Variants in ANXA9 observed in about 807,000 individuals in gnomAD.
The protein encoded by ANXA9 is annexin A9.
ANXA9 carries 47 observed loss-of-function variants against 51.8 expected under a neutral mutation model. The ratio of observed to expected loss-of-function variants is 0.91; its 90% CI spans 0.72 to 1.16. The LOEUF (loss-of-function observed/expected upper bound fraction) is 1.16. ANXA9 is among the 50% of genes most tolerant of loss of function. The pLI, the probability that ANXA9 is intolerant of heterozygous loss-of-function variation, is 0.00. For synonymous variants in ANXA9, 154 were observed against 168.7 expected (o/e 0.91, Z 0.68); for missense variants, 361 against 424.7 (o/e 0.85, Z 1.32).
upstream of ANXA9, among the ~76,000 whole-genome samples, chr1:150,979,912 T>G (rs587752940): frequency 6.5e-4 from 99 of 152,302 alleles, no homozygotes; most frequent in Non-Finnish European, 1.3e-3. Flanking sequence ...ATAAACACTA[T>G]TACTTGTCTG....
upstream of ANXA9, among the ~76,000 whole-genome samples, chr1:150,978,930 C>G (rs1671374838): frequency 1.3e-5 from 2 of 151,980 alleles, no homozygotes; most frequent in Admixed American, 1.3e-4. Flanking sequence ...CGCCATTGCA[C>G]TCTAACCTGG....
Position 150,995,448 on chromosome 1 carries a change from T to A in ANXA9, c.*126T>A. On this transcript the variant is annotated 3_prime_UTR_variant, in exon 14 of 14. Transcript: ENST00000368947. ...ACTGAGCACCACATTCTCTAGCTTC[T>A]TGTTGAGGCTGGAACTGTTTCTTTA... 1.2e-6 allele frequency: 1 copy of A among 813,184 alleles called. No individual in the cohort carries two copies. The highest frequency in any genetic ancestry group is 1.9e-5 in the South Asian group (1 of 52,166). The allele number at this position is 813,184 out of a possible 1,614,324, so 50.4% of individuals were successfully genotyped here. A position where few individuals can be genotyped will look rare whatever the true frequency, so the allele number is the denominator to read the frequency against.
At chr1:150,993,334 G>A (rs754094218) in intron 12 of ANXA9, among the ~76,000 whole-genome samples, 26 of 150,502 alleles carry the variant, frequency 1.7e-4, no homozygotes, top group Admixed American at 6.0e-4. Flanking sequence ...TTTTTGAGAC[G>A]GAGTCTTGCT....
In ANXA9 at chr1:150,983,439, G is replaced by A; in HGVS notation, c.172+5G>A. ...TGAGGGCCATTACTGGCCAAGGTGA[G>A]CCCCTTTCCCCCGGCACTTGAGACT... On this transcript the variant is annotated splice_donor_5th_base_variant and intron_variant, in intron 4 of 13. Transcript: ENST00000368947. 2 of 1,605,358 alleles carry A rather than the reference G, an allele frequency of 1.2e-6. No individual in the cohort carries two copies. Among genetic ancestry groups the A allele is most frequent in the South Asian group, 1.1e-5 (1 of 89,474 alleles).
chr1:150,988,349 G>A lies in ANXA9; in HGVS notation c.852+8G>A. 1 of 1,613,796 alleles carries A rather than the reference G, an allele frequency of 6.2e-7. No homozygotes were observed. Among genetic ancestry groups the A allele is most frequent in the Non-Finnish European group, 8.5e-7 (1 of 1,179,940 alleles). On this transcript the variant is annotated splice_region_variant and intron_variant, in intron 12 of 13. Transcript: ENST00000368947. ...CTTCATCAAGCCCTCCAGGTGAGAG[G>A]GGCACTCCTTTCCCTCCCCAGAACA...
chr1:150,986,679 G>A lies in ANXA9; in HGVS notation c.612+18G>A. 1 of 1,579,598 alleles carries A rather than the reference G, an allele frequency of 6.3e-7. No homozygotes were observed. Among genetic ancestry groups the A allele is most frequent in the Non-Finnish European group, 8.6e-7 (1 of 1,168,800 alleles). On this transcript the variant is annotated intron_variant, in intron 9 of 13. Transcript: ENST00000368947. ...ATGTCCAGGTGAGCAGGGGGTTTAG[G>A]AGTGTGCACAGCCGCCATGCACATA...
intron 12 of ANXA9, among the ~76,000 whole-genome samples, chr1:150,988,821 G>C (rs1305378447): frequency 1.3e-5 from 2 of 152,048 alleles, no homozygotes; most frequent in Admixed American, 6.6e-5. Context: ...TACCTTGCTT[G>C]AGGTCACGTA....
At position 150,983,110 on chromosome 1, in the gene ANXA9, CTG is replaced by C. The variant is rs1394963874; in HGVS notation, c.8_9del (p.Val3AspfsTer115). 2 of 1,613,882 alleles carry C rather than the reference CTG, an allele frequency of 1.2e-6. No individual in the cohort carries two copies. Among genetic ancestry groups the C allele is most frequent in the Non-Finnish European group, 1.7e-6 (2 of 1,179,938 alleles). On this transcript the variant is annotated frameshift_variant, in exon 3 of 14. Coordinates refer to ENST00000368947, the MANE Select transcript of ANXA9 (RefSeq NM_003568.3). LOFTEE classifies it high-confidence loss of function. The stretch of plus-strand genomic sequence containing the variant: ...CCCAGGGCAACCAGTAGCACCATGT[CTG>C]TGACTGGCGGGAAGATGGCACCGTC...
rs990868424 is a variant in ANXA9, at chr1:150,995,338, C to G, written c.*16C>G. The G allele has an allele frequency of 1.9e-6, 3 of 1,588,504 alleles. No homozygotes were observed. In the African/African-American group the frequency reaches 4.1e-5, roughly 22 times the overall value. ...AGACATGTGAGACTTCCCTGCCCCA[C>G]CCCACATGACATCCGAGGATCTGAG... On this transcript the variant is annotated 3_prime_UTR_variant, in exon 14 of 14. Transcript: ENST00000368947.
Position 150,995,610 on chromosome 1 carries a change from C to G in ANXA9, c.*288C>G. 9.5e-6 allele frequency: 3 copies of G among 316,436 alleles called. No homozygotes were observed. The South Asian group carries it at 3.0e-4, about 31-fold the overall frequency. The allele number at this position is 316,436 out of a possible 1,614,324, so 19.6% of individuals were successfully genotyped here. On this transcript the variant is annotated 3_prime_UTR_variant, in exon 14 of 14. Coordinates refer to ENST00000368947, the MANE Select transcript of ANXA9 (RefSeq NM_003568.3). ...CCTGTACCCTGGCCAGAACATCTCA[C>G]TGATACTCGAATTCTTTTGGCAAAC...
chr1:150,984,633 A>G lies in ANXA9; in HGVS notation c.429A>G (p.Arg143=). The G allele has an allele frequency of 1.2e-6, 2 of 1,614,090 alleles. No individual in the cohort carries two copies. Among genetic ancestry groups the G allele is most frequent in the Non-Finnish European group, 1.7e-6 (2 of 1,180,012 alleles). Residue 143 remains arginine (R), a synonymous_variant, in exon 7 of 14, where the codon CGA becomes CGG. Transcript: ENST00000368947. The stretch of plus-strand genomic sequence containing the variant: ...TGGCCATTGAAATTCTTGCCACTCG[A>G]ACCCCACCCCAGCTGCAGGAGTGCC... ...VDVAIEILAT[R]TPPQLQECLA... is the part of the protein sequence containing the mutation.
At chr1:150,986,683 G>GTGCACAGCCGCCA in intron 9 of ANXA9, 22 bp downstream of exon 9, 1 of 1,567,500 alleles carries the variant, frequency 6.4e-7, no homozygotes, top group Non-Finnish European at 8.6e-7. Context: ...GTTTAGGAGT[G>GTGCACAGCCGCCA]TGCACAGCCG....
intron 12 of ANXA9, among the ~76,000 whole-genome samples, chr1:150,992,698 C>T (rs1671735324): frequency 6.6e-6 from 1 of 152,106 alleles, no homozygotes; most frequent in Non-Finnish European, 1.5e-5. Context: ...GTCCCAGCTG[C>T]TTGGGAGGCT....
intron 7 of ANXA9, among the ~76,000 whole-genome samples, chr1:150,985,657 T>C (rs11204752): frequency 0.58 from 88,553 of 151,982 alleles, 26,294 homozygotes; most frequent in African/African-American, 0.68. Context: ...CCTTGACCCT[T>C]CTGGGCTCAA....
At chr1:150,990,167 C>A (rs908967983) in intron 12 of ANXA9, among the ~76,000 whole-genome samples, 1 of 151,570 alleles carries the variant, frequency 6.6e-6, no homozygotes, top group Non-Finnish European at 1.5e-5. Flanking sequence ...GAAAATTTGC[C>A]AGGCATGGTG....
chr1:150,988,421 C>A (rs1671620338), intron 12 of ANXA9, 80 bp downstream of exon 12: 1 of 1,523,798 alleles, frequency 6.6e-7, no homozygotes, highest in African/African-American at 1.4e-5. Flanking sequence ...CTTATGTAAC[C>A]ATCCTATATA....
chr1:150,986,711 C>T (rs1307427557), intron 9 of ANXA9, 50 bp downstream of exon 9: 2 of 1,513,050 alleles, frequency 1.3e-6, no homozygotes, highest in East Asian at 2.3e-5. Context: ...CATAAGATGC[C>T]TTCCTCCACC....
chr1:150,984,748 TC>T, intron 7 of ANXA9, 72 bp downstream of exon 7: 2 of 1,322,064 alleles, frequency 1.5e-6, no homozygotes, highest in Non-Finnish European at 1.1e-6. Flanking sequence ...TCTCCTGTAC[TC>T]CCCATAGGTG....
intron 3 of ANXA9, 73 bp from the exon 4 acceptor site, chr1:150,983,265 G>A (rs1185379009): frequency 1.1e-5 from 18 of 1,597,936 alleles, no homozygotes; most frequent in Non-Finnish European, 1.5e-5. Flanking sequence ...GTGGAGGACA[G>A]GCCCTGAGGT....
Sources: gnomAD v4.1 joint callset for allele counts (sites outside exome capture counted in the v4.1 genomes callset) on GRCh38, gnomAD v4.1.1 for gene constraint, MANE v1.5 for transcripts, NCBI Gene and HGNC (gene_info 2026-07-23, HGNC 2026-07-21) for gene names.